The following CAMTA1 variants were observed in gnomAD, a reference collection of about 807,000 sequenced individuals.
CAMTA1 encodes the protein calmodulin-binding transcription activator 1.
A neutral mutation model predicts 170.9 loss-of-function variants in CAMTA1; 27 were observed. That is an observed-to-expected ratio of 0.16 (90% confidence interval 0.12 to 0.22). The LOEUF (loss-of-function observed/expected upper bound fraction) is 0.22, where lower values mean the gene tolerates loss of function less well. CAMTA1 is among the 10% of genes least tolerant of loss of function. CAMTA1 has a pLI of 1.00. For synonymous variants in CAMTA1, 833 were observed against 891.5 expected (o/e 0.93, Z 1.17); for missense variants, 1,619 against 2,217.2 (o/e 0.73, Z 5.42).
At position 7,495,959 on chromosome 1, in the gene CAMTA1, G is replaced by A. The variant is rs892205693; in HGVS notation, c.510+28058G>A. On this transcript the variant is annotated intron_variant, in intron 6 of 22. Coordinates refer to ENST00000303635, the MANE Select transcript of CAMTA1 (RefSeq NM_015215.4). ...TTGCCCAGAGCACCTCCTGGCCATC[G>A]TTTCATTTCAGGTCGATGAAAGCTC... is the stretch of plus-strand genomic sequence containing the variant. Among the ~76,000 whole-genome samples the A allele has an allele frequency of 1.6e-4, 25 of 152,158 alleles. 1 individual carries two copies. The highest frequency in any genetic ancestry group is 3.2e-4 in the Non-Finnish European group (22 of 68,038).
intron 3 of CAMTA1, among the ~76,000 whole-genome samples, chr1:6,871,102 A>G (rs943595809): frequency 6.6e-6 from 1 of 152,210 alleles, no homozygotes; most frequent in Non-Finnish European, 1.5e-5. Context: ...GAAGCCTGTC[A>G]GATACAGGAA....
At chr1:7,415,210 T>C (rs1191247239) in intron 5 of CAMTA1, among the ~76,000 whole-genome samples, 2 of 151,910 alleles carry the variant, frequency 1.3e-5, no homozygotes, top group Non-Finnish European at 2.9e-5. Context: ...AGGTGTGGTG[T>C]GGTGCTGAAA....
At chr1:6,815,999 A>G (rs1645764189) in intron 1 of CAMTA1, among the ~76,000 whole-genome samples, 1 of 152,132 alleles carries the variant, frequency 6.6e-6, no homozygotes, top group African/African-American at 2.4e-5. Flanking sequence ...TCAACCTTGG[A>G]TACATCTTGG....
At position 7,685,647 on chromosome 1, in the gene CAMTA1, C is replaced by T. The variant is rs1022196827; in HGVS notation, c.2914+7914C>T. On this transcript the variant is annotated intron_variant, in intron 11 of 22. Coordinates refer to ENST00000303635, the MANE Select transcript of CAMTA1 (RefSeq NM_015215.4). This position sits in a 1 kb window ranked among gnomAD's most constrained non-coding sequence, Gnocchi z 5.7. ...CCCATGGCCGGCTCTCTCCTGACTA[C>T]TCTCTTCTCCCTGCCCACGCTCCCT... Among the ~76,000 whole-genome samples, 3 of 152,184 alleles carry T rather than the reference C, an allele frequency of 2.0e-5. No individual in the cohort carries two copies. The highest frequency in any genetic ancestry group is 2.9e-5 in the Non-Finnish European group (2 of 68,028).
chr1:7,463,460 C>G lies in CAMTA1; in HGVS notation c.439-4370C>G, dbSNP rs181366247. 5.6e-4 allele frequency among the ~76,000 whole-genome samples: 84 copies of G among 149,350 alleles called. No homozygotes were observed. Among genetic ancestry groups the G allele is most frequent in the Non-Finnish European group, 1.1e-3 (77 of 67,540 alleles). On this transcript the variant is annotated intron_variant, in intron 5 of 22. Coordinates refer to ENST00000303635, the MANE Select transcript of CAMTA1 (RefSeq NM_015215.4). The surrounding 1 kb of genome is among the most constrained non-coding windows in gnomAD (Gnocchi z 4.7). ...ACAGATGGGGGAAATGGGAGAGAGA[C>G]AGAGAGAGGACAAGACAGCTGCAGA...
chr1:6,793,755 A>C (rs1454112493), intron 1 of CAMTA1, among the ~76,000 whole-genome samples: 1 of 152,190 alleles, frequency 6.6e-6, no homozygotes, highest in Non-Finnish European at 1.5e-5. Context: ...TTTGAAAAAA[A>C]GTTATTGTCT....
intron 6 of CAMTA1, among the ~76,000 whole-genome samples, chr1:7,615,498 T>C (rs2150720407): frequency 6.6e-6 from 1 of 152,290 alleles, no homozygotes; most frequent in East Asian, 1.9e-4. Flanking sequence ...CTAAAAGCAT[T>C]CCCGGAGCTG....
At chr1:7,571,729 A>T (rs577856283) in intron 6 of CAMTA1, among the ~76,000 whole-genome samples, 3 of 152,178 alleles carry the variant, frequency 2.0e-5, no homozygotes, top group African/African-American at 7.2e-5. Context: ...TTCTTTATCC[A>T]GTCTATAGTT....
chr1:7,111,992 A>G (rs1359714964), intron 4 of CAMTA1, among the ~76,000 whole-genome samples: 1 of 151,538 alleles, frequency 6.6e-6, no homozygotes, highest in African/African-American at 2.4e-5. Flanking sequence ...GAAGCAGCCT[A>G]TGAGTGGCCA....
chr1:7,470,467 A>G (rs1224860376), intron 6 of CAMTA1, among the ~76,000 whole-genome samples: 1 of 152,198 alleles, frequency 6.6e-6, no homozygotes, highest in Non-Finnish European at 1.5e-5. Context: ...GACACCAATT[A>G]CCAAGAAAAA....
intron 5 of CAMTA1, among the ~76,000 whole-genome samples, chr1:7,259,590 GTTAT>G (rs903180615): frequency 1.3e-5 from 2 of 152,180 alleles, no homozygotes; most frequent in Non-Finnish European, 2.9e-5. Context: ...CAGGCAAGTG[GTTAT>G]TTATTTATTT....
chr1:7,766,036 A>AC (rs959579354), intron 22 of CAMTA1, among the ~76,000 whole-genome samples: 2 of 118,942 alleles, frequency 1.7e-5, no homozygotes, highest in East Asian at 3.1e-4. Flanking sequence ...CAAAAAAAAA[A>AC]AAAAAAAAAC....
Position 7,704,305 on chromosome 1 carries a change from G to A in CAMTA1, c.2914+26572G>A, listed in dbSNP as rs1367098977. Reference sequence around the variant, plus strand: ...CGGCCCCGCGGGAAGGGGAACGGGAGGCCCGCGCGGGGCTCCGGGGGCCGT... The same window carrying A: ...CGGCCCCGCGGGAAGGGGAACGGGAAGCCCGCGCGGGGCTCCGGGGGCCGT... On this transcript the variant is annotated intron_variant, in intron 11 of 22. Coordinates refer to ENST00000303635, the MANE Select transcript of CAMTA1 (RefSeq NM_015215.4). Among the ~76,000 whole-genome samples, 8 of 145,778 alleles carry A rather than the reference G, an allele frequency of 5.5e-5. No individual in the cohort carries two copies. The East Asian group carries it at 1.6e-3, about 29-fold the overall frequency.
chr1:7,339,224 C>A (rs1413001868), intron 5 of CAMTA1, among the ~76,000 whole-genome samples: 1 of 152,166 alleles, frequency 6.6e-6, no homozygotes, highest in Non-Finnish European at 1.5e-5. Flanking sequence ...TTGTGCAACT[C>A]CGTGAATATA....
Position 7,641,126 on chromosome 1 carries a change from G to A in CAMTA1, c.664+573G>A, listed in dbSNP as rs1282895318. 6.6e-6 allele frequency among the ~76,000 whole-genome samples: 1 copy of A among 152,244 alleles called. No homozygotes were observed. The highest frequency in any genetic ancestry group is 1.5e-5 in the Non-Finnish European group (1 of 68,040). On this transcript the variant is annotated intron_variant, in intron 7 of 22. Transcript: ENST00000303635. This position sits in a 1 kb window ranked among gnomAD's most constrained non-coding sequence, Gnocchi z 4.5. Reference sequence around the variant, plus strand: ...AGAATGCAAAACACCGAGTGAGGCAGGGAAGCTGGGGCTGCTCCGTACTTT... The same window carrying A: ...AGAATGCAAAACACCGAGTGAGGCAAGGAAGCTGGGGCTGCTCCGTACTTT...
At chr1:6,838,256 G>A (rs1358486090) in intron 3 of CAMTA1, among the ~76,000 whole-genome samples, 1 of 152,220 alleles carries the variant, frequency 6.6e-6, no homozygotes, top group Non-Finnish European at 1.5e-5. Context: ...AGAAAAGCTT[G>A]TGATGCAGAG....
Position 7,040,332 on chromosome 1 carries a change from C to T in CAMTA1, c.235-50972C>T, listed in dbSNP as rs115481301. Among the ~76,000 whole-genome samples the T allele has an allele frequency of 5.2e-3, 794 of 152,268 alleles. 6 individuals are homozygous for T. The highest frequency in any genetic ancestry group is 0.018 in the African/African-American group (751 of 41,552). ...TTGTGTACTGTAAGTTGTCTAAACA[C>T]GGCATGCGTGTGATCCGGTGCAATC... On this transcript the variant is annotated intron_variant, in intron 3 of 22. Transcript: ENST00000303635.
At chr1:7,326,911 T>G (rs2082718541) in intron 5 of CAMTA1, among the ~76,000 whole-genome samples, 1 of 152,030 alleles carries the variant, frequency 6.6e-6, no homozygotes, top group Non-Finnish European at 1.5e-5. Context: ...AGAGAAGATA[T>G]GACCATGAGG....
At chr1:6,815,644 G>C (rs1273310814) in intron 1 of CAMTA1, among the ~76,000 whole-genome samples, 2 of 152,182 alleles carry the variant, frequency 1.3e-5, no homozygotes, top group Non-Finnish European at 2.9e-5. Context: ...AATCTTCTAG[G>C]AATTAGTGGA....
Sources: allele counts gnomAD v4.1 joint callset (sites outside exome capture counted in the v4.1 genomes callset), GRCh38; gene constraint gnomAD v4.1.1; non-coding constraint Gnocchi (gnomAD v3.1); transcripts MANE v1.5; gene names NCBI Gene and HGNC (gene_info 2026-07-23, HGNC 2026-07-21).